The following PKD1L1 variants were observed in gnomAD, a reference collection of about 807,000 sequenced individuals.
The protein encoded by PKD1L1 is polycystin-1-like protein 1.
Under a neutral mutation model 323.4 loss-of-function variants are expected in PKD1L1, and 236 were observed. That is an observed-to-expected ratio of 0.73 (90% CI 0.66 to 0.81). The LOEUF is 0.81. Among genes scored for constraint, PKD1L1 ranks in the 40% least tolerant of loss-of-function variants. The probability of loss-of-function intolerance (pLI) is 0.00; values close to 1 mark genes in which losing one functional copy is unlikely to be tolerated. For synonymous variants in PKD1L1, 1,344 were observed against 1,335.0 expected (o/e 1.01, Z -0.15); for missense variants, 3,320 against 3,508.0 (o/e 0.95, Z 1.35).
chr7:47,815,182 T>C (rs1189608694), intron 47 of PKD1L1, 152 bp downstream of exon 47: 4 of 958,328 alleles, frequency 4.2e-6, no homozygotes. Context: ...CAGGATGCTC[T>C]GCTGGGACCC....
intron 43 of PKD1L1, 105 bp from the exon 44 acceptor site, chr7:47,829,706 A>T (rs576009183): frequency 8.2e-7 from 1 of 1,220,368 alleles, no homozygotes; most frequent in African/African-American, 1.5e-5. Flanking sequence ...TCCATCTCCC[A>T]GTTTTAAAGA....
intron 36 of PKD1L1, 73 bp from the exon 37 acceptor site, chr7:47,837,167 A>C: frequency 6.5e-7 from 1 of 1,531,032 alleles, no homozygotes; most frequent in East Asian, 2.3e-5. Flanking sequence ...ACTGTTAAGC[A>C]GTGATCTTCT....
In PKD1L1 at chr7:47,854,911, T is replaced by C. The variant is rs1785863264; in HGVS notation, c.4830A>G (p.Thr1610=). 6.2e-7 allele frequency: 1 copy of C among 1,614,022 alleles called. No individual in the cohort carries two copies. The highest frequency in any genetic ancestry group is 8.5e-7 in the Non-Finnish European group (1 of 1,180,030). Residue 1610 remains threonine (T), a synonymous_variant, in exon 30 of 57, where the codon ACA becomes ACG. Coordinates refer to ENST00000289672, the MANE Select transcript of PKD1L1 (RefSeq NM_138295.5). ...QIEIEFSKPV[T]RAFPVMLLVR... ...CTAGCAACATGACGGGAAATGCCCT[T>C]GTAACAGGTTTGGAAAATTCAATTT...
chr7:47,940,555 G>A (rs866077119), intron 2 of PKD1L1, among the ~76,000 whole-genome samples: 44 of 152,148 alleles, frequency 2.9e-4, no homozygotes, highest in South Asian at 2.1e-4. Context: ...ATGAGGAAAC[G>A]CACAACCACC....
intron 28 of PKD1L1, among the ~76,000 whole-genome samples, chr7:47,857,105 CCACCCTG>C (rs1020870655): frequency 2.0e-5 from 3 of 152,222 alleles, no homozygotes. Context: ...GAGCCAGGGG[CCACCCTG>C]CAGGTTCAGC....
chr7:47,836,802 G>A (rs998303154), intron 37 of PKD1L1, 119 bp downstream of exon 37: 18 of 1,257,290 alleles, frequency 1.4e-5, no homozygotes, highest in Non-Finnish European at 1.9e-5. Flanking sequence ...AGCCAGGCTT[G>A]CTTCCCCTGG....
At chr7:47,958,690 T>C in the PKD1L1 span, among the ~76,000 whole-genome samples, 1 of 152,200 alleles carries the variant, frequency 6.6e-6, no homozygotes. Flanking sequence ...TTGCAAAGTA[T>C]ACATCCAACA....
In PKD1L1 at chr7:47,905,325, G is replaced by C. The variant is rs1470116227; in HGVS notation, c.1523C>G (p.Ser508Cys). 3.7e-6 allele frequency: 6 copies of C among 1,613,118 alleles called. No individual in the cohort carries two copies. The South Asian group carries it at 6.6e-5, about 18-fold the overall frequency. The change falls in exon 11 of 57, where the codon TCC (serine) becomes TGC (cysteine). Residue 508 changes from serine to cysteine, a missense_variant and splice_region_variant. Transcript: ENST00000289672. ...AGTTCCATTTGTGTAGACAGAGACG[G>C]CTGTGGCAAAAGAAAGGAAGGTATG... is the stretch of plus-strand genomic sequence containing the variant. ...HSMTVWYKMQSVSVYTNGTVF... is the reference protein window; with the variant it reads ...HSMTVWYKMQCVSVYTNGTVF...
intron 56 of PKD1L1, among the ~76,000 whole-genome samples, chr7:47,779,813 G>C (rs1786649778): frequency 6.6e-6 from 1 of 152,152 alleles, no homozygotes; most frequent in Admixed American, 6.5e-5. Context: ...TCATGCTTTG[G>C]AGCTTTCATC....
At position 47,855,271 on chromosome 7, in the gene PKD1L1, G is replaced by A. The variant is rs1175943506; in HGVS notation, c.4591-6C>T. 6 of 1,607,970 alleles carry A rather than the reference G, an allele frequency of 3.7e-6. No homozygotes were observed. The highest frequency in any genetic ancestry group is 1.7e-5 in the Admixed American group (1 of 59,480). On this transcript the variant is annotated splice_region_variant and splice_polypyrimidine_tract_variant and intron_variant, in intron 28 of 56. Transcript: ENST00000289672. ...AGGCCCACAACTCCACCAATCTTGG[G>A]GAACAAAGACCATCTCAGAGCAAAT...
chr7:47,806,217 G>A (rs550925697), intron 52 of PKD1L1, among the ~76,000 whole-genome samples: 3 of 152,290 alleles, frequency 2.0e-5, no homozygotes, highest in East Asian at 3.9e-4. Context: ...TCCCCTGTCC[G>A]CATCAGGTGA....
intron 2 of PKD1L1, among the ~76,000 whole-genome samples, chr7:47,943,089 T>C (rs933126856): frequency 7.0e-6 from 1 of 143,124 alleles, no homozygotes; most frequent in Non-Finnish European, 1.5e-5. Context: ...GAGCTTGCAG[T>C]GAGCCAAGAT....
At position 47,880,247 on chromosome 7, in the gene PKD1L1, G is replaced by GAT. The variant is rs1270124549; in HGVS notation, c.3520+479_3520+480dup. On this transcript the variant is annotated intron_variant, in intron 21 of 56. Coordinates refer to ENST00000289672, the MANE Select transcript of PKD1L1 (RefSeq NM_138295.5). ...TTGTGCAGTTGTCTAGCATAAATAA[G>GAT]ATATATATATATATATACATATATA... is the stretch of plus-strand genomic sequence containing the variant. 3.2e-3 allele frequency among the ~76,000 whole-genome samples: 315 copies of GAT among 98,190 alleles called. 8 individuals carry two copies. Among genetic ancestry groups the GAT allele is most frequent in the South Asian group, 0.011 (32 of 3,006 alleles). The allele number at this position is 98,190 out of a possible 152,430, so 64.4% of individuals were successfully genotyped here. A position where few individuals can be genotyped will look rare whatever the true frequency, so the allele number is the denominator to read the frequency against.
intron 54 of PKD1L1, among the ~76,000 whole-genome samples, chr7:47,798,149 C>G (rs1468970445): frequency 6.6e-6 from 1 of 152,116 alleles, no homozygotes; most frequent in Non-Finnish European, 1.5e-5. Flanking sequence ...CAAAACAGAA[C>G]AAAGCTGGAG....
intron 3 of PKD1L1, among the ~76,000 whole-genome samples, chr7:47,937,233 C>T (rs893766715): frequency 2.4e-5 from 1 of 41,836 alleles, no homozygotes; most frequent in Admixed American, 3.6e-4. Flanking sequence ...AGGAGGGATT[C>T]GTGCGGGGTC....
intron 7 of PKD1L1, among the ~76,000 whole-genome samples, chr7:47,917,266 C>T (rs1787448625): frequency 6.6e-6 from 1 of 151,906 alleles, no homozygotes; most frequent in African/African-American, 2.4e-5. Context: ...TAACCCAATC[C>T]AACAAAGACA....
chr7:47,880,765 C>G lies in PKD1L1; in HGVS notation c.3483G>C (p.Leu1161=), dbSNP rs367996686. Residue 1161 remains leucine, a synonymous_variant, in exon 21 of 57, where the codon CTG becomes CTC. Coordinates refer to ENST00000289672, the MANE Select transcript of PKD1L1 (RefSeq NM_138295.5). ...EQTVTIKPYS[L]SSGETYVLQV... ...GCAGGACGTACGTCTCTCCACTGCT[C>G]AGAGAGTATGGCTTGATTGTCACTG... 1.2e-6 allele frequency: 2 copies of G among 1,609,060 alleles called. No homozygotes were observed. Among genetic ancestry groups the G allele is most frequent in the Non-Finnish European group, 1.7e-6 (2 of 1,177,136 alleles).
chr7:47,803,495 TCTGCAGAGGAGAATGAGTTGGA>T, intron 52 of PKD1L1, 151 bp from the exon 53 acceptor site: 1 of 852,774 alleles, frequency 1.2e-6, no homozygotes, highest in Non-Finnish European at 1.8e-6. Context: ...AGTGCAGATG[TCTGCAGAGGAGAATGAGTTGGA>T]ACTAGGGGTA....
At chr7:47,933,485 C>T (rs2686818) in intron 4 of PKD1L1, among the ~76,000 whole-genome samples, 6 of 152,122 alleles carry the variant, frequency 3.9e-5, no homozygotes, top group East Asian at 1.9e-4. Flanking sequence ...AACTTTGCCT[C>T]GGTTTCTTTC....
Sources: allele counts gnomAD v4.1 joint callset (sites outside exome capture counted in the v4.1 genomes callset), GRCh38; gene constraint gnomAD v4.1.1; transcripts MANE v1.5; gene names NCBI Gene and HGNC (gene_info 2026-07-23, HGNC 2026-07-21).